Variants in ARHGAP6 observed in about 807,000 individuals in gnomAD.
ARHGAP6 encodes the protein rho GTPase-activating protein 6.
ARHGAP6 carries 16 observed loss-of-function variants against 55.7 expected under a neutral mutation model. That is an observed-to-expected ratio of 0.29 (90% CI 0.19 to 0.44). ARHGAP6 has a LOEUF of 0.44. ARHGAP6 is among the 20% of genes least tolerant of loss of function. ARHGAP6 has a pLI of 1.00. For synonymous variants in ARHGAP6, 382 were observed against 360.9 expected, an observed-to-expected ratio of 1.06 and a Z score of -0.66; for missense variants, 698 against 808.9, an observed-to-expected ratio of 0.86 and a Z score of 1.66.
Position 11,357,927 on chromosome X carries a change from T to G in ARHGAP6, c.589-103220A>C, listed in dbSNP as rs539255574. The stretch of plus-strand genomic sequence containing the variant: ...TACTATAAAATTTACCACTTTAAAG[T>G]GTACAATCCAGTAAGTTTTAGTATA... On this transcript the variant is annotated intron_variant, in intron 1 of 12. Coordinates refer to ENST00000337414, the MANE Select transcript of ARHGAP6 (RefSeq NM_013427.3). 3.9e-3 allele frequency among the ~76,000 whole-genome samples: 416 copies of G among 107,582 alleles called. 1 individual carries two copies. Among genetic ancestry groups the G allele is most frequent in the Middle Eastern group, 0.014 (3 of 214 alleles). 93.4% of individuals were successfully genotyped at this position (107,582 alleles called of 115,157 possible). A position where few individuals can be genotyped will look rare whatever the true frequency, so the allele number is the denominator to read the frequency against.
chrX:11,622,947 A>T (rs897615862), intron 1 of ARHGAP6, among the ~76,000 whole-genome samples: 5 of 112,077 alleles, frequency 4.5e-5, no homozygotes, highest in Non-Finnish European at 7.5e-5. Flanking sequence ...TCAAAGAACC[A>T]TGTTCTATGT....
intron 1 of ARHGAP6, among the ~76,000 whole-genome samples, chrX:11,548,618 C>T (rs754854778): frequency 3.7e-3 from 306 of 81,743 alleles, no homozygotes; most frequent in Non-Finnish European, 5.2e-3. Flanking sequence ...AAAAGTATTT[C>T]TTTTTTTTTT....
chrX:11,640,382 T>A (rs2052461480), intron 1 of ARHGAP6, among the ~76,000 whole-genome samples: 1 of 111,929 alleles, frequency 8.9e-6, no homozygotes, highest in South Asian at 3.7e-4. Context: ...TCTCGTACAC[T>A]GGAGTTGGGC....
intron 10 of ARHGAP6, among the ~76,000 whole-genome samples, chrX:11,145,307 A>G (rs1454777354): frequency 1.8e-5 from 2 of 112,297 alleles, no homozygotes; most frequent in Admixed American, 1.9e-4. Flanking sequence ...GGTTTTGTGC[A>G]TGCAAACTGG....
intron 1 of ARHGAP6, among the ~76,000 whole-genome samples, chrX:11,648,735 C>A (rs1250125306): frequency 9.0e-6 from 1 of 111,727 alleles, no homozygotes; most frequent in East Asian, 2.8e-4. Flanking sequence ...GAGATTTGAT[C>A]CTAGGCTTGT....
Position 11,408,271 on chromosome X carries a change from A to G in ARHGAP6, c.589-153564T>C, listed in dbSNP as rs1432865463. Among the ~76,000 whole-genome samples, 3 of 111,022 alleles carry G rather than the reference A, an allele frequency of 2.7e-5. No individual in the cohort carries two copies. The East Asian group carries it at 8.6e-4, about 32-fold the overall frequency. On this transcript the variant is annotated intron_variant, in intron 1 of 12. Coordinates refer to ENST00000337414, the MANE Select transcript of ARHGAP6 (RefSeq NM_013427.3). Reference sequence around the variant, plus strand: ...GGGGAAGCGGAATGGAAGAGTTTATAACAAAAATCGCAACCAGATTCTCAA... The same window carrying G: ...GGGGAAGCGGAATGGAAGAGTTTATGACAAAAATCGCAACCAGATTCTCAA...
intron 1 of ARHGAP6, among the ~76,000 whole-genome samples, chrX:11,624,982 G>C (rs375594212): frequency 5.4e-5 from 6 of 112,035 alleles, no homozygotes; most frequent in Non-Finnish European, 7.5e-5. Flanking sequence ...AAATTAAAAT[G>C]GCTTATATCC....
intron 2 of ARHGAP6, among the ~76,000 whole-genome samples, chrX:11,232,981 A>G (rs1198436528): frequency 6.2e-5 from 7 of 112,533 alleles, no homozygotes. Flanking sequence ...GAGGTGCACA[A>G]TACACACGTA....
At chrX:11,592,037 A>T (rs1216245259) in intron 1 of ARHGAP6, among the ~76,000 whole-genome samples, 2 of 111,798 alleles carry the variant, frequency 1.8e-5, no homozygotes, top group Non-Finnish European at 3.8e-5. Context: ...TGTAAGAAGT[A>T]GTCCCAGGAA....
chrX:11,613,296 G>A (rs1178284799), intron 1 of ARHGAP6, among the ~76,000 whole-genome samples: 1 of 112,449 alleles, frequency 8.9e-6, no homozygotes, highest in Non-Finnish European at 1.9e-5. Flanking sequence ...TAACCTCTGA[G>A]GATAGGCTAC....
chrX:11,480,805 T>C (rs755277833), intron 1 of ARHGAP6, among the ~76,000 whole-genome samples: 1 of 111,521 alleles, frequency 9.0e-6, no homozygotes, highest in Non-Finnish European at 1.9e-5. Flanking sequence ...TCATCAGAGT[T>C]ATTGAGTCTC....
At chrX:11,345,347 A>G (rs892761633) in intron 1 of ARHGAP6, among the ~76,000 whole-genome samples, 2 of 112,472 alleles carry the variant, frequency 1.8e-5, no homozygotes, top group Non-Finnish European at 3.8e-5. Context: ...AATGGGGAAA[A>G]TTCTTGGGTT....
chrX:11,349,650 T>A (rs1250362028), intron 1 of ARHGAP6, among the ~76,000 whole-genome samples: 2 of 112,181 alleles, frequency 1.8e-5, no homozygotes, highest in Non-Finnish European at 3.8e-5. Flanking sequence ...TGGAATATTA[T>A]GAAATCCAGT....
At chrX:11,426,244 T>C (rs57973564) in intron 1 of ARHGAP6, among the ~76,000 whole-genome samples, 151 of 111,631 alleles carry the variant, frequency 1.4e-3, no homozygotes, top group African/African-American at 4.8e-3. Context: ...ATTTGCCCAA[T>C]GGCCCTGCAA....
chrX:11,570,600 A>G (rs890878904), intron 1 of ARHGAP6, among the ~76,000 whole-genome samples: 1 of 110,713 alleles, frequency 9.0e-6, no homozygotes, highest in Non-Finnish European at 1.9e-5. Flanking sequence ...ATGGTACAGA[A>G]ACTGAGGCAT....
At chrX:11,228,440 A>G (rs1349239078) in intron 2 of ARHGAP6, among the ~76,000 whole-genome samples, 1 of 111,956 alleles carries the variant, frequency 8.9e-6, no homozygotes, top group Non-Finnish European at 1.9e-5. Context: ...CATCTAATTT[A>G]CCCTGTTTAA....
intron 2 of ARHGAP6, among the ~76,000 whole-genome samples, chrX:11,241,531 CGTGTGTGTGTGT>C (rs55815640): frequency 0.023 from 2,108 of 91,700 alleles, 56 homozygotes; most frequent in African/African-American, 0.077. Context: ...ATGCTGGATA[CGTGTGTGTGTGT>C]GTGTGTGTGT....
intron 1 of ARHGAP6, among the ~76,000 whole-genome samples, chrX:11,383,272 A>G (rs1442854072): frequency 1.8e-5 from 2 of 111,619 alleles, no homozygotes; most frequent in Non-Finnish European, 3.8e-5. Context: ...TCTCAAGGGG[A>G]TTTTATTGCT....
In ARHGAP6 at chrX:11,521,528, G is replaced by A. The variant is rs765007926; in HGVS notation, c.588+142713C>T. On this transcript the variant is annotated intron_variant, in intron 1 of 12. Coordinates refer to ENST00000337414, the MANE Select transcript of ARHGAP6 (RefSeq NM_013427.3). Reference sequence around the variant, plus strand: ...TTCCATTGGTCTGTATCTCTGTTTTGGTATCAGTACCATGCTGTTTTGGTT... The same window carrying A: ...TTCCATTGGTCTGTATCTCTGTTTTAGTATCAGTACCATGCTGTTTTGGTT... Among the ~76,000 whole-genome samples, 3 of 111,775 alleles carry A rather than the reference G, an allele frequency of 2.7e-5. No individual in the cohort carries two copies. In the South Asian group the frequency reaches 1.1e-3, roughly 42 times the overall value.
Sources: gnomAD v4.1 joint callset for allele counts (sites outside exome capture counted in the v4.1 genomes callset) on GRCh38, gnomAD v4.1.1 for gene constraint, MANE v1.5 for transcripts, NCBI Gene and HGNC (gene_info 2026-07-23, HGNC 2026-07-21) for gene names.